The following PKD1L3 variants were observed in gnomAD, a reference collection of about 807,000 sequenced individuals.
PKD1L3 encodes the protein polycystin-1-like protein 3.
A neutral mutation model predicts 184.1 loss-of-function variants in PKD1L3; 239 were observed. The observed-to-expected ratio is 1.30, with a 90% CI of 1.17 to 1.45. The LOEUF is 1.45. Ranked by LOEUF, PKD1L3 falls within the 40% of genes most tolerant of loss-of-function variation. The probability of loss-of-function intolerance (pLI) is 0.00; values close to 1 mark genes in which losing one functional copy is unlikely to be tolerated. For synonymous variants in PKD1L3, 996 were observed against 778.8 expected (o/e 1.28, Z -4.64); for missense variants, 2,660 against 2,067.2 (o/e 1.29, Z -5.56).
At position 71,947,466 on chromosome 16, in the gene PKD1L3, G is replaced by T. The variant is rs545080573; in HGVS notation, c.3718+26C>A. 41 of 1,458,704 alleles carry T rather than the reference G, an allele frequency of 2.8e-5. 1 individual carries two copies. In the South Asian group the frequency reaches 5.0e-4, roughly 18 times the overall value. 90.4% of individuals were successfully genotyped at this position (1,458,704 alleles called of 1,614,324 possible). ...TCTAATTTGCTTTTTGCAAAATTAGGTAGTTGTTAGAACTACTTGAGTTAC... is the reference window on the plus strand; with the variant it reads ...TCTAATTTGCTTTTTGCAAAATTAGTTAGTTGTTAGAACTACTTGAGTTAC... On this transcript the variant is annotated intron_variant, in intron 22 of 29. Transcript: ENST00000620267.
Position 71,942,649 on chromosome 16 carries a change from G to A in PKD1L3, c.4235C>T (p.Ser1412Leu), listed in dbSNP as rs2038400221. 2 of 1,551,730 alleles carry A rather than the reference G, an allele frequency of 1.3e-6. No homozygotes were observed. Among genetic ancestry groups the A allele is most frequent in the East Asian group, 2.4e-5 (1 of 40,916 alleles). Residue 1412 changes from serine to leucine, a missense_variant, in exon 24 of 30, where the codon TCA becomes TTA. Ser to Leu is a moderately radical substitution (Grantham distance 145). Transcript: ENST00000620267. ...LHLRRFSYIC[S>L]PRPMVLIPTD... The stretch of plus-strand genomic sequence containing the variant: ...GGGAATCAGCACCATGGGCCTGGGT[G>A]AACAGATGTAACTGAACCTCCTTAG...
Position 71,946,184 on chromosome 16 carries a change from A to C in PKD1L3, c.3718+1308T>G, listed in dbSNP as rs907475927. On this transcript the variant is annotated intron_variant, in intron 22 of 29. Coordinates refer to ENST00000620267, the MANE Select transcript of PKD1L3 (RefSeq NM_181536.2). ...TGTTGGCCAGGCTGGTCACAAATGG[A>C]AGGCAGTTTAAAGTCAGATTAAGTT... Among the ~76,000 whole-genome samples, 3 of 152,066 alleles carry C rather than the reference A, an allele frequency of 2.0e-5. No homozygotes were observed. The East Asian group carries it at 5.8e-4, about 29-fold the overall frequency.
Position 71,950,207 on chromosome 16 carries a change from G to A in PKD1L3, c.3294C>T (p.Ser1098=), listed in dbSNP as rs116696705. The change falls in exon 20 of 30, where the codon TCC becomes TCT. Residue 1098 remains serine (S), a synonymous_variant. Transcript: ENST00000620267. ...GGCTGGCTGCATCTAGGAAGTCACA[G>A]GACTGGTGACCCTGGGTGAGACCCA... ...GTLGLTQGHQ[S]CDFLDAASQL... The A allele has an allele frequency of 2.1e-3, 3,264 of 1,552,284 alleles. 58 individuals are homozygous for A. In the African/African-American group the frequency reaches 0.038, roughly 18 times the overall value.
Position 71,942,736 on chromosome 16 carries a change from A to C in PKD1L3, c.4148T>G (p.Leu1383Arg). 6.4e-7 allele frequency: 1 copy of C among 1,551,740 alleles called. No individual in the cohort carries two copies. The highest frequency in any genetic ancestry group is 8.7e-7 in the Non-Finnish European group (1 of 1,147,004). ...GGTATGGCCGTTATCACAAAACGCC[A>C]GCTGACCTTCGTCCACTTTCTCATA... ...KTYEKVDEGQ[L>R]AFCDNGHTCG... Residue 1383 changes from leucine to arginine, a missense_variant, in exon 24 of 30, where the codon CTG (leucine) becomes CGG (arginine). Physicochemically the swap from Leu to Arg is moderately radical, Grantham distance 102. Coordinates refer to ENST00000620267, the MANE Select transcript of PKD1L3 (RefSeq NM_181536.2).
In PKD1L3 at chr16:71,967,155, G is replaced by A; in HGVS notation, c.2447C>T (p.Ser816Phe). The change falls in exon 15 of 30, where the codon TCT becomes TTT. Residue 816 changes from serine (S) to phenylalanine (F), a missense_variant. Ser to Phe is a radical substitution (Grantham distance 155). Transcript: ENST00000620267. ...TACTCACCAGGAGGGACTGACGCCA[G>A]AATTGTCATGCCAGAGCCGAAGGCT... is the stretch of plus-strand genomic sequence containing the variant. ...LHSLRLWHDN[S>F]GVSPSWYVSQ... The A allele has an allele frequency of 6.4e-7, 1 of 1,551,676 alleles. No homozygotes were observed. Among genetic ancestry groups the A allele is most frequent in the Non-Finnish European group, 8.7e-7 (1 of 1,146,926 alleles).
rs1478981467 is a variant in PKD1L3, at chr16:72,000,182, G to A, written c.-204C>T. On this transcript the variant is annotated 5_prime_UTR_variant, in exon 1 of 30. Coordinates refer to ENST00000620267, the MANE Select transcript of PKD1L3 (RefSeq NM_181536.2). ...AAATAGCAGAGATCAATAAAACAAT[G>A]GCCCTTTTTATCTGGGGCCCCACCA... is the stretch of plus-strand genomic sequence containing the variant. 3.9e-5 allele frequency among the ~76,000 whole-genome samples: 6 copies of A among 152,100 alleles called. No individual in the cohort carries two copies. The highest frequency in any genetic ancestry group is 1.4e-4 in the African/African-American group (6 of 41,404).
In PKD1L3 at chr16:71,943,082, T is replaced by C. The variant is rs2038418527; in HGVS notation, c.3860-58A>G. 8 of 1,347,972 alleles carry C rather than the reference T, an allele frequency of 5.9e-6. No homozygotes were observed. The South Asian group carries it at 8.6e-5, about 15-fold the overall frequency. The allele number at this position is 1,347,972 out of a possible 1,614,324, so 83.5% of individuals were successfully genotyped here. A position where few individuals can be genotyped will look rare whatever the true frequency, so the allele number is the denominator to read the frequency against. ...GAGTGGTTAACTTAGAAATCCTCTATGTCTTTTTCATTTTTCCTAAGTCTA... is the reference window on the plus strand; with the variant it reads ...GAGTGGTTAACTTAGAAATCCTCTACGTCTTTTTCATTTTTCCTAAGTCTA... On this transcript the variant is annotated intron_variant, in intron 23 of 29. Transcript: ENST00000620267.
In PKD1L3 at chr16:71,997,352, C is replaced by T. The variant is rs956849923; in HGVS notation, c.418+920G>A. Among the ~76,000 whole-genome samples the T allele has an allele frequency of 5.9e-5, 9 of 151,412 alleles. No individual in the cohort carries two copies. The South Asian group carries it at 6.3e-4, about 11-fold the overall frequency. On this transcript the variant is annotated intron_variant, in intron 2 of 29. Transcript: ENST00000620267. ...CTGTAATCCTAGCACTTTGAGAGGCCGAGGTGGGAGGATTGCTTGAGTCCA... is the reference window on the plus strand; with the variant it reads ...CTGTAATCCTAGCACTTTGAGAGGCTGAGGTGGGAGGATTGCTTGAGTCCA...
intron 2 of PKD1L3, among the ~76,000 whole-genome samples, chr16:71,995,444 TTC>T (rs1484634005): frequency 6.6e-6 from 1 of 152,338 alleles, no homozygotes; most frequent in South Asian, 2.1e-4. Context: ...CTGCCCTATT[TTC>T]TCTCTCCCTC....
intron 24 of PKD1L3, among the ~76,000 whole-genome samples, chr16:71,940,499 A>G (rs546963754): frequency 6.7e-6 from 1 of 149,692 alleles, no homozygotes; most frequent in African/African-American, 2.5e-5. Flanking sequence ...TTTGTTTTTT[A>G]TTTTTTTTTT....
At chr16:71,996,117 CAG>C (rs1351566815) in intron 2 of PKD1L3, among the ~76,000 whole-genome samples, 2 of 151,944 alleles carry the variant, frequency 1.3e-5, no homozygotes, top group African/African-American at 2.4e-5. Flanking sequence ...AGAGAAAATG[CAG>C]AGAGATGCCT....
chr16:71,992,621 G>C (rs1216784899), intron 3 of PKD1L3, among the ~76,000 whole-genome samples: 1 of 152,138 alleles, frequency 6.6e-6, no homozygotes, highest in Non-Finnish European at 1.5e-5. Context: ...ATTGAGAAAA[G>C]CTGGATTTTA....
rs2038664993 is a variant in PKD1L3, at chr16:71,947,532, TTTG to T, written c.3675_3677del (p.Asn1225del). The T allele has an allele frequency of 1.9e-6, 3 of 1,547,410 alleles. No homozygotes were observed. The African/African-American group carries it at 4.1e-5, about 21-fold the overall frequency. ...TCCTCTTTGTTTGTTGTTCATTCTC[TTTG>T]TTAAGCCGTGGCATCCTGCTCATCA... is the stretch of plus-strand genomic sequence containing the variant. On this transcript the variant is annotated inframe_deletion, in exon 22 of 30. Coordinates refer to ENST00000620267, the MANE Select transcript of PKD1L3 (RefSeq NM_181536.2).
intron 3 of PKD1L3, chr16:71,991,122 G>T (rs1405617395): frequency 1.2e-5 from 2 of 164,174 alleles, no homozygotes; most frequent in Non-Finnish European, 2.7e-5. Flanking sequence ...TACAGCATAA[G>T]TATATGTGCC....
At chr16:71,972,498 C>A (rs73578395) in intron 12 of PKD1L3, among the ~76,000 whole-genome samples, 9,858 of 152,118 alleles carry the variant, frequency 0.065, 1,076 homozygotes, top group African/African-American at 0.22. Context: ...AGCATAGGCA[C>A]CATGGCGAGA....
Position 71,950,121 on chromosome 16 carries a change from G to C in PKD1L3, c.3380C>G (p.Ser1127Cys), listed in dbSNP as rs1390610587. 1 of 1,551,494 alleles carries C rather than the reference G, an allele frequency of 6.4e-7. No homozygotes were observed. The highest frequency in any genetic ancestry group is 2.0e-5 in the Admixed American group (1 of 50,908). ...THILPTEQEP[S>C]REVTSFAILS... ...AAGGCTTGGTGTGGTGCATTACCTG[G>C]ATGGCTCTTGCTCCGTGGGAAGAAT... The change falls in exon 20 of 30, where the codon TCC becomes TGC. Residue 1127 changes from serine to cysteine, a missense_variant. Ser to Cys is a moderately radical substitution (Grantham distance 112, BLOSUM62 -1). Transcript: ENST00000620267.
At chr16:71,932,596 C>A (rs994911264) in intron 28 of PKD1L3, among the ~76,000 whole-genome samples, 1 of 151,984 alleles carries the variant, frequency 6.6e-6, no homozygotes, top group African/African-American at 2.4e-5. Flanking sequence ...GCATCAACCT[C>A]CTGAGGAGCT....
intron 4 of PKD1L3, among the ~76,000 whole-genome samples, chr16:71,988,132 G>T (rs570406202): frequency 6.6e-6 from 1 of 152,226 alleles, no homozygotes; most frequent in South Asian, 2.1e-4. Context: ...TGTTGAGAAG[G>T]GTCAGAAAAG....
chr16:71,956,629 T>A (rs2039060447), intron 16 of PKD1L3, among the ~76,000 whole-genome samples: 2 of 152,122 alleles, frequency 1.3e-5, no homozygotes, highest in Non-Finnish European at 2.9e-5. Context: ...GTAATGAAAT[T>A]TATAGAAATA....
Sources: gnomAD v4.1 joint callset for allele counts (sites outside exome capture counted in the v4.1 genomes callset) on GRCh38, gnomAD v4.1.1 for gene constraint, MANE v1.5 for transcripts, NCBI Gene and HGNC (gene_info 2026-07-23, HGNC 2026-07-21) for gene names.